Variants in ARHGAP28 observed in about 807,000 individuals in gnomAD.
ARHGAP28 encodes rho GTPase-activating protein 28.
Under a neutral mutation model 90.7 loss-of-function variants are expected in ARHGAP28, and 56 were observed. The observed-to-expected ratio is 0.62, with a 90% CI of 0.50 to 0.77. The LOEUF is 0.77. ARHGAP28 is among the 30% of genes least tolerant of loss of function. ARHGAP28 has a pLI of 0.00. For synonymous variants in ARHGAP28, 308 were observed against 323.3 expected, an observed-to-expected ratio of 0.95 and a Z score of 0.51; for missense variants, 869 against 900.9, an observed-to-expected ratio of 0.96 and a Z score of 0.45.
chr18:6,749,419 T>C (rs2056050934), intron 1 of ARHGAP28, among the ~76,000 whole-genome samples: 1 of 152,190 alleles, frequency 6.6e-6, no homozygotes, highest in Admixed American at 6.5e-5. Flanking sequence ...ATATAACCTG[T>C]CCAGCAATCA....
At chr18:6,791,894 C>A (rs2056409342) in intron 1 of ARHGAP28, among the ~76,000 whole-genome samples, 1 of 151,358 alleles carries the variant, frequency 6.6e-6, no homozygotes, top group Non-Finnish European at 1.5e-5. Context: ...ACTCTGTCAC[C>A]CAGGCTGGAT....
At chr18:6,782,123 C>T (rs1600178296) in intron 1 of ARHGAP28, among the ~76,000 whole-genome samples, 1 of 151,930 alleles carries the variant, frequency 6.6e-6, no homozygotes, top group East Asian at 1.9e-4. Context: ...TTTTTTTTAG[C>T]TGCCTCCCCA....
intron 16 of ARHGAP28, among the ~76,000 whole-genome samples, chr18:6,904,961 G>C (rs894939310): frequency 1.3e-5 from 2 of 152,120 alleles, no homozygotes; most frequent in African/African-American, 4.8e-5. Context: ...AAGCCCAGAT[G>C]GTTTCACTGG....
intron 3 of ARHGAP28, among the ~76,000 whole-genome samples, chr18:6,847,025 A>G (rs1353316036): frequency 6.6e-6 from 1 of 152,116 alleles, no homozygotes; most frequent in East Asian, 1.9e-4. Flanking sequence ...ATCAAGAGGG[A>G]AGGCTGTTCC....
At chr18:6,874,013 A>G in intron 9 of ARHGAP28, among the ~76,000 whole-genome samples, 1 of 152,216 alleles carries the variant, frequency 6.6e-6, no homozygotes, top group East Asian at 1.9e-4. Flanking sequence ...CCTATAACAC[A>G]TCAGGTGACA....
At chr18:6,806,423 CA>C (rs1183996326) in intron 1 of ARHGAP28, among the ~76,000 whole-genome samples, 4 of 151,252 alleles carry the variant, frequency 2.6e-5, no homozygotes, top group Admixed American at 1.3e-4. Flanking sequence ...AATTTGTAGG[CA>C]AAAGCAGTAG....
chr18:6,773,438 G>A (rs1048609477), intron 1 of ARHGAP28, among the ~76,000 whole-genome samples: 2 of 152,226 alleles, frequency 1.3e-5, no homozygotes, highest in African/African-American at 4.8e-5. Context: ...AGAGGGCCAA[G>A]TATAGGGTCT....
intron 16 of ARHGAP28, among the ~76,000 whole-genome samples, chr18:6,906,707 A>G (rs2057366461): frequency 2.0e-5 from 3 of 152,230 alleles, no homozygotes; most frequent in African/African-American, 7.2e-5. Context: ...GAAAACATTT[A>G]TGATCTAAAA....
At chr18:6,738,032 A>T (rs1273752055) in intron 1 of ARHGAP28, among the ~76,000 whole-genome samples, 1 of 152,216 alleles carries the variant, frequency 6.6e-6, no homozygotes, top group Non-Finnish European at 1.5e-5. Flanking sequence ...AAAGCTAATT[A>T]AATCTATGCA....
chr18:6,797,734 T>A (rs1388761097), intron 1 of ARHGAP28, among the ~76,000 whole-genome samples: 1 of 150,876 alleles, frequency 6.6e-6, no homozygotes, highest in African/African-American at 2.4e-5. Flanking sequence ...CGATCTCGCC[T>A]CACTGCAAAC....
chr18:6,900,674 G>A (rs138270844), intron 16 of ARHGAP28, among the ~76,000 whole-genome samples: 1,726 of 148,394 alleles, frequency 0.012, 29 homozygotes, highest in African/African-American at 0.037. Context: ...GGGACCTACG[G>A]GAGTCTAACA....
Position 6,894,839 on chromosome 18 carries a change from C to A in ARHGAP28, c.1853C>A (p.Ala618Glu), listed in dbSNP as rs1479444185. Residue 618 changes from alanine to glutamate, a missense_variant, in exon 15 of 18, where the codon GCA becomes GAA. Ala to Glu is a moderately radical substitution (Grantham distance 107). Transcript: ENST00000383472. ...LRRKTLERET[A>E]SPKTSKVLQK... Reference sequence around the variant, plus strand: ...TAAAGACTGTGTTTCTTTTAGACTGCAAGCCCCAAGACTTCAAAGGTACTG... The same window carrying A: ...TAAAGACTGTGTTTCTTTTAGACTGAAAGCCCCAAGACTTCAAAGGTACTG... The A allele has an allele frequency of 1.9e-6, 3 of 1,613,820 alleles. No individual in the cohort carries two copies. Among genetic ancestry groups the A allele is most frequent in the Non-Finnish European group, 2.5e-6 (3 of 1,179,902 alleles).
rs2056649018 is a variant in ARHGAP28 at position 6,824,646 on chromosome 18, T to G, written c.123-116T>G. ...TCAAACCTATCTCAACCATGGTTACTCCACTTCTCCATTTGATTTAAACTT... is the reference window on the plus strand; with the variant it reads ...TCAAACCTATCTCAACCATGGTTACGCCACTTCTCCATTTGATTTAAACTT... On this transcript the variant is annotated intron_variant, in intron 1 of 17. Coordinates refer to ENST00000383472, the MANE Select transcript of ARHGAP28 (RefSeq NM_001366230.1). 6.5e-6 allele frequency: 6 copies of G among 924,380 alleles called. No individual in the cohort carries two copies. In the South Asian group the frequency reaches 9.4e-5, roughly 15 times the overall value. 57.3% of individuals were successfully genotyped at this position (924,380 alleles called of 1,614,324 possible).
intron 10 of ARHGAP28, among the ~76,000 whole-genome samples, chr18:6,877,133 G>T (rs2057137444): frequency 6.6e-6 from 1 of 152,158 alleles, no homozygotes; most frequent in Non-Finnish European, 1.5e-5. Flanking sequence ...AATTCATTTT[G>T]GTACATGCTT....
chr18:6,871,542 A>G (rs1377491043), intron 7 of ARHGAP28, among the ~76,000 whole-genome samples: 2 of 151,964 alleles, frequency 1.3e-5, no homozygotes, highest in South Asian at 2.1e-4. Flanking sequence ...TGTTACCCCC[A>G]AAGTCTCATT....
At chr18:6,775,441 TAG>T (rs2056276003) in intron 1 of ARHGAP28, among the ~76,000 whole-genome samples, 2 of 152,304 alleles carry the variant, frequency 1.3e-5, no homozygotes, top group Admixed American at 1.3e-4. Context: ...TAGATTGGTT[TAG>T]AGTGTGTTAA....
At position 6,730,702 on chromosome 18, in the gene ARHGAP28, A is replaced by C. The variant is rs2143090211; in HGVS notation, c.122+759A>C. Among the ~76,000 whole-genome samples, 3 of 152,290 alleles carry C rather than the reference A, an allele frequency of 2.0e-5. No individual in the cohort carries two copies. In the South Asian group the frequency reaches 6.2e-4, roughly 32 times the overall value. ...TTCATTAACTGAAACAAAAACGTTT[A>C]AGTGGGTAGACAAAAGTATTATGAT... On this transcript the variant is annotated intron_variant, in intron 1 of 17. Transcript: ENST00000383472.
intron 5 of ARHGAP28, among the ~76,000 whole-genome samples, chr18:6,860,330 T>C (rs2143390529): frequency 6.6e-6 from 1 of 152,342 alleles, no homozygotes; most frequent in South Asian, 2.1e-4. Context: ...TTCTCAGGAC[T>C]CACTCATGCA....
At chr18:6,900,194 C>G (rs1345389002) in intron 16 of ARHGAP28, among the ~76,000 whole-genome samples, 1 of 152,024 alleles carries the variant, frequency 6.6e-6, no homozygotes, top group Non-Finnish European at 1.5e-5. Flanking sequence ...ATCAGGAAGA[C>G]TACATGCCAA....
Sources: gnomAD v4.1 joint callset for allele counts (sites outside exome capture counted in the v4.1 genomes callset) on GRCh38, gnomAD v4.1.1 for gene constraint, MANE v1.5 for transcripts, NCBI Gene and HGNC (gene_info 2026-07-23, HGNC 2026-07-21) for gene names.